The following ATP10B variants were observed in gnomAD, a reference collection of about 807,000 sequenced individuals.
The protein encoded by ATP10B is phospholipid-transporting ATPase VB.
Under a neutral mutation model 141.2 loss-of-function variants are expected in ATP10B, and 122 were observed. The ratio of observed to expected loss-of-function variants is 0.86; its 90% CI spans 0.75 to 1.00. The LOEUF (loss-of-function observed/expected upper bound fraction) is 1.00, where lower values mean the gene tolerates loss of function less well. Ranked by LOEUF, ATP10B falls within the 50% of genes least tolerant of loss-of-function variation. The pLI is 0.00. For missense variants in ATP10B, 1,876 were observed against 1,825.3 expected (o/e 1.03, Z -0.51); for synonymous variants, 685 against 692.0 (o/e 0.99, Z 0.16).
intron 1 of ATP10B, among the ~76,000 whole-genome samples, chr5:160,838,983 C>T (rs942807307): frequency 1.3e-5 from 2 of 152,126 alleles, no homozygotes; most frequent in African/African-American, 4.8e-5. Context: ...CCCACTCTTG[C>T]CATGTGAGGT....
At chr5:160,916,949 AAG>A in the ATP10B span, among the ~76,000 whole-genome samples, 2 of 152,170 alleles carry the variant, frequency 1.3e-5, no homozygotes, top group Admixed American at 6.5e-5. Flanking sequence ...CTTCTCTGAG[AAG>A]AGAGATCAGG....
At chr5:160,903,525 C>T in the ATP10B span, among the ~76,000 whole-genome samples, 14 of 152,280 alleles carry the variant, frequency 9.2e-5, no homozygotes, top group South Asian at 4.1e-4. Context: ...TGCAATAACA[C>T]GAATCTGCTT....
At chr5:160,600,778 T>C (rs1423977164) in intron 21 of ATP10B, among the ~76,000 whole-genome samples, 2 of 152,208 alleles carry the variant, frequency 1.3e-5, no homozygotes, top group Non-Finnish European at 2.9e-5. Context: ...GAAGCTACAG[T>C]GCGGTAATTA....
At chr5:160,822,636 T>C (rs1774199174) in intron 1 of ATP10B, among the ~76,000 whole-genome samples, 1 of 152,082 alleles carries the variant, frequency 6.6e-6, no homozygotes, top group Non-Finnish European at 1.5e-5. Flanking sequence ...GGTGAATGGA[T>C]ACAGAAAATG....
At chr5:160,918,185 A>G in the ATP10B span, among the ~76,000 whole-genome samples, 2 of 152,254 alleles carry the variant, frequency 1.3e-5, no homozygotes, top group African/African-American at 2.4e-5. Flanking sequence ...GCTAAGGGAA[A>G]GTGGAGATAG....
At chr5:160,671,164 CAAAAAAAAA>C (rs1167788105) in intron 6 of ATP10B, among the ~76,000 whole-genome samples, 6 of 23,738 alleles carry the variant, frequency 2.5e-4, no homozygotes, top group East Asian at 1.7e-3. Flanking sequence ...GACTCTGTCT[CAAAAAAAAA>C]AAAAAAAAAA....
chr5:160,667,545 G>T (rs2127721357), intron 7 of ATP10B, among the ~76,000 whole-genome samples: 1 of 152,268 alleles, frequency 6.6e-6, no homozygotes, highest in African/African-American at 2.4e-5. Context: ...ACCCTGGAAA[G>T]CTTCAAGCTC....
intron 6 of ATP10B, among the ~76,000 whole-genome samples, chr5:160,676,747 A>C (rs117605691): frequency 6.6e-5 from 10 of 152,322 alleles, no homozygotes; most frequent in Non-Finnish European, 1.3e-4. Context: ...TGATATTTTA[A>C]ATTATTAGCT....
chr5:160,747,344 G>A lies in ATP10B; in HGVS notation c.-330-30310C>T, dbSNP rs1290602577. Among the ~76,000 whole-genome samples the A allele has an allele frequency of 3.9e-5, 6 of 152,278 alleles. No homozygotes were observed. In the South Asian group the frequency reaches 1.2e-3, roughly 32 times the overall value. ...GATGTACTGAATTAACCAGATAGCA[G>A]TCCTCTAAACAGCCTGGCGTGGGTT... On this transcript the variant is annotated intron_variant, in intron 2 of 25. Coordinates refer to ENST00000327245, the MANE Select transcript of ATP10B (RefSeq NM_025153.3).
At chr5:160,841,331 C>A (rs1775796097) in intron 1 of ATP10B, among the ~76,000 whole-genome samples, 2 of 152,002 alleles carry the variant, frequency 1.3e-5, no homozygotes, top group African/African-American at 4.8e-5. Context: ...TTACATGTTA[C>A]CTTGTATAAA....
chr5:160,687,030 A>T, intron 5 of ATP10B: 3 of 873,750 alleles, frequency 3.4e-6, no homozygotes, highest in Non-Finnish European at 4.1e-6. Flanking sequence ...TGTCTGCAGG[A>T]ACATTCTGCT....
chr5:160,891,411 T>G, the ATP10B span, among the ~76,000 whole-genome samples: 1 of 152,156 alleles, frequency 6.6e-6, no homozygotes, highest in Non-Finnish European at 1.5e-5. Context: ...CATGACCTGC[T>G]TTTTATCTAA....
At chr5:160,591,229 C>A (rs1756273689) in intron 22 of ATP10B, 90 bp from the exon 23 acceptor site, 16 of 981,956 alleles carry the variant, frequency 1.6e-5, no homozygotes, top group Non-Finnish European at 2.3e-5. Context: ...CTGCGACAGA[C>A]AACCAGACGC....
At chr5:160,758,104 C>T (rs562371120) in intron 2 of ATP10B, among the ~76,000 whole-genome samples, 180 of 152,056 alleles carry the variant, frequency 1.2e-3, no homozygotes, top group Admixed American at 2.2e-3. Context: ...ATCAGAATTA[C>T]CAATAGTAGA....
At chr5:160,882,369 G>A in the ATP10B span, among the ~76,000 whole-genome samples, 315 of 152,266 alleles carry the variant, frequency 2.1e-3, no homozygotes, top group African/African-American at 7.4e-3. Flanking sequence ...GGGATATGTA[G>A]GAAGTCTCTG....
chr5:160,608,671 T>C (rs202014651), intron 18 of ATP10B, among the ~76,000 whole-genome samples: 2 of 152,222 alleles, frequency 1.3e-5, no homozygotes, highest in East Asian at 3.8e-4. Flanking sequence ...TATATTTCTC[T>C]GATGGCCAGT....
chr5:160,792,925 T>C (rs1258016445), intron 1 of ATP10B, among the ~76,000 whole-genome samples: 2 of 152,140 alleles, frequency 1.3e-5, no homozygotes, highest in East Asian at 3.9e-4. Context: ...TGCCATGCTC[T>C]CAAAGCACTT....
chr5:160,808,480 A>T (rs1390495925), intron 1 of ATP10B, among the ~76,000 whole-genome samples: 1 of 152,146 alleles, frequency 6.6e-6, no homozygotes, highest in Non-Finnish European at 1.5e-5. Context: ...TTTGCTAATC[A>T]TTTATCCTTC....
At chr5:160,793,761 G>C (rs80308227) in intron 1 of ATP10B, among the ~76,000 whole-genome samples, 3,060 of 152,244 alleles carry the variant, frequency 0.02, 91 homozygotes, top group African/African-American at 0.069. Flanking sequence ...TTCTAGTCTT[G>C]TAAGCTCCAT....
Sources: allele counts gnomAD v4.1 joint callset (sites outside exome capture counted in the v4.1 genomes callset), GRCh38; gene constraint gnomAD v4.1.1; transcripts MANE v1.5; gene names NCBI Gene and HGNC (gene_info 2026-07-23, HGNC 2026-07-21).